The following PRKCG variants were observed in gnomAD, a reference collection of about 807,000 sequenced individuals.
PRKCG encodes protein kinase C gamma type.
In PRKCG, 28 loss-of-function variants were observed where a neutral mutation model predicts 82.0. The observed-to-expected ratio is 0.34, with a 90% CI of 0.25 to 0.47. PRKCG has a LOEUF of 0.47. Ranked by LOEUF, PRKCG falls within the 20% of genes least tolerant of loss-of-function variation. PRKCG has a pLI of 1.00. For synonymous variants in PRKCG, 383 were observed against 376.6 expected, an observed-to-expected ratio of 1.02 and a Z score of -0.20; for missense variants, 640 against 952.7, an observed-to-expected ratio of 0.67 and a Z score of 4.32.
chr19:53,900,831 A>G lies in PRKCG; in HGVS notation c.1575+82A>G. 1.2e-6 allele frequency: 2 copies of G among 1,601,774 alleles called. No individual in the cohort carries two copies. Among genetic ancestry groups the G allele is most frequent in the Non-Finnish European group, 1.7e-6 (2 of 1,173,412 alleles). ...GATGGTCCAGTATTCACCACGGGTGAGGCCTGACCCTCAGACCTTGTCATG... is the reference window on the plus strand; with the variant it reads ...GATGGTCCAGTATTCACCACGGGTGGGGCCTGACCCTCAGACCTTGTCATG... On this transcript the variant is annotated intron_variant, in intron 14 of 17. Coordinates refer to ENST00000263431, the MANE Select transcript of PRKCG (RefSeq NM_002739.5). This position sits in a 1 kb window ranked among gnomAD's most constrained non-coding sequence, Gnocchi z 4.2.
rs1568763942 is a variant in PRKCG, at chr19:53,906,076, C to CT, written c.1765-240dup. 8.1e-4 allele frequency among the ~76,000 whole-genome samples: 68 copies of CT among 83,658 alleles called. 1 individual carries two copies. The highest frequency in any genetic ancestry group is 6.6e-3 in the Middle Eastern group (1 of 152). 54.9% of individuals were successfully genotyped at this position (83,658 alleles called of 152,430 possible). On this transcript the variant is annotated intron_variant, in intron 16 of 17. Coordinates refer to ENST00000263431, the MANE Select transcript of PRKCG (RefSeq NM_002739.5). ...CCTCCTCCTCCTCCTCCTCCTCCTC[C>CT]TCCTCCTCCTTCTTCTTCTTCTTCT...
intron 9 of PRKCG, among the ~76,000 whole-genome samples, chr19:53,895,344 C>T (rs2123003037): frequency 6.6e-6 from 1 of 151,956 alleles, no homozygotes; most frequent in Non-Finnish European, 1.5e-5. Flanking sequence ...CAAAAATCAG[C>T]TGGGCATGGT....
chr19:53,893,131 G>A, intron 8 of PRKCG, 56 bp downstream of exon 8: 1 of 1,540,654 alleles, frequency 6.5e-7, no homozygotes, highest in African/African-American at 1.4e-5. Flanking sequence ...ACGGTTCAGA[G>A]CTGGCCTTTC....
intron 16 of PRKCG, among the ~76,000 whole-genome samples, chr19:53,905,538 TCTC>T (rs2068795945): frequency 6.6e-6 from 1 of 151,560 alleles, no homozygotes; most frequent in African/African-American, 2.4e-5. Context: ...TCCCCCTGGG[TCTC>T]CTCTGTCTCC....
At chr19:53,901,925 A>G (rs925766720) in intron 14 of PRKCG, among the ~76,000 whole-genome samples, 1 of 151,872 alleles carries the variant, frequency 6.6e-6, no homozygotes, top group African/African-American at 2.4e-5. Context: ...ATGCTGTCCT[A>G]TGAGTATTTT....
intron 11 of PRKCG, among the ~76,000 whole-genome samples, chr19:53,898,930 C>CCTGTTTCCCTGGGG (rs2068741044): frequency 1.0e-5 from 1 of 95,924 alleles, no homozygotes; most frequent in African/African-American, 4.5e-5. Flanking sequence ...CGTGGCCAGG[C>CCTGTTTCCCTGGGG]AGAGGGGCTC....
Position 53,900,086 on chromosome 19 carries a change from G to A in PRKCG, c.1282-147G>A. 1.3e-6 allele frequency: 1 copy of A among 766,706 alleles called. No individual in the cohort carries two copies. Among genetic ancestry groups the A allele is most frequent in the Non-Finnish European group, 2.3e-6 (1 of 438,810 alleles). The allele number at this position is 766,706 out of a possible 1,614,324, so 47.5% of individuals were successfully genotyped here. ...CTGAGGTAGCAGGATTAGCACCTTA[G>A]GGCCCTCCCAGGGATGTGGCTAGGT... On this transcript the variant is annotated intron_variant, in intron 11 of 17. Coordinates refer to ENST00000263431, the MANE Select transcript of PRKCG (RefSeq NM_002739.5). The surrounding 1 kb of genome is among the most constrained non-coding windows in gnomAD (Gnocchi z 4.2).
intron 5 of PRKCG, 124 bp downstream of exon 5, chr19:53,890,141 G>T: frequency 9.0e-7 from 1 of 1,106,144 alleles, no homozygotes; most frequent in Non-Finnish European, 1.3e-6. Context: ...CTATGGTCAC[G>T]CCCACACTCC....
intron 3 of PRKCG, among the ~76,000 whole-genome samples, chr19:53,885,257 C>T (rs893021419): frequency 1.3e-5 from 2 of 151,962 alleles, no homozygotes; most frequent in Non-Finnish European, 2.9e-5. Flanking sequence ...GAGACGGAGT[C>T]GCGCTCTGTT....
Position 53,907,153 on chromosome 19 carries a change from C to A in PRKCG, c.*258C>A. Reference sequence around the variant, plus strand: ...CCTGACCTTAGCGTTCTGGACTCTGCCCCAATCGGGTCCAGAGACCACACC... The same window carrying A: ...CCTGACCTTAGCGTTCTGGACTCTGACCCAATCGGGTCCAGAGACCACACC... On this transcript the variant is annotated 3_prime_UTR_variant, in exon 18 of 18. Coordinates refer to ENST00000263431, the MANE Select transcript of PRKCG (RefSeq NM_002739.5). 1.3e-6 allele frequency: 1 copy of A among 760,074 alleles called. No homozygotes were observed. Among genetic ancestry groups the A allele is most frequent in the South Asian group, 1.8e-5 (1 of 54,298 alleles). The allele number at this position is 760,074 out of a possible 1,614,324, so 47.1% of individuals were successfully genotyped here. A position where few individuals can be genotyped will look rare whatever the true frequency, so the allele number is the denominator to read the frequency against.
chr19:53,903,018 G>A, intron 14 of PRKCG, 55 bp from the exon 15 acceptor site: 2 of 1,367,902 alleles, frequency 1.5e-6, no homozygotes, highest in Admixed American at 1.7e-5. Context: ...AGGCCAGAGG[G>A]GTCCTAGGCT....
chr19:53,896,594 A>G (rs1242346609), intron 9 of PRKCG, among the ~76,000 whole-genome samples: 1 of 151,876 alleles, frequency 6.6e-6, no homozygotes, highest in East Asian at 1.9e-4. Context: ...TAATTTTTAT[A>G]TTGCTAGTAG....
At chr19:53,906,047 T>TCCTCCTCCTCCTCCTCCC (rs2068803521) in intron 16 of PRKCG, among the ~76,000 whole-genome samples, 1 of 42,626 alleles carries the variant, frequency 2.3e-5, no homozygotes, top group African/African-American at 2.1e-4. Context: ...TCCTCCCTCC[T>TCCTCCTCCTCCTCCTCCC]CCTCCTCCTC....
At chr19:53,893,185 A>G in intron 8 of PRKCG, 110 bp downstream of exon 8, 1 of 1,265,266 alleles carries the variant, frequency 7.9e-7, no homozygotes, top group Admixed American at 1.9e-5. Context: ...TACAGTTCCC[A>G]GAAGACCCTA....
rs2068598531 is a variant in PRKCG, at chr19:53,882,357, G to A, written c.-138G>A. Reference sequence around the variant, plus strand: ...CCCTGCCTGGCGCGCTCCGCACCTGGAGGTGCCTTGCCCCTCTCCTGCCCA... The same window carrying A: ...CCCTGCCTGGCGCGCTCCGCACCTGAAGGTGCCTTGCCCCTCTCCTGCCCA... On this transcript the variant is annotated 5_prime_UTR_variant, in exon 1 of 18. Transcript: ENST00000263431. The surrounding 1 kb of genome is among the most constrained non-coding windows in gnomAD (Gnocchi z 6.1). The A allele has an allele frequency of 7.7e-7, 1 of 1,296,866 alleles. No individual in the cohort carries two copies. Among genetic ancestry groups the A allele is most frequent in the Non-Finnish European group, 1.1e-6 (1 of 935,894 alleles). 80.3% of individuals were successfully genotyped at this position (1,296,866 alleles called of 1,614,324 possible).
rs2068822608 is a variant in PRKCG, at chr19:53,907,361, GC to G, written c.*472del. 2 of 211,102 alleles carry G rather than the reference GC, an allele frequency of 9.5e-6. No homozygotes were observed. Among genetic ancestry groups the G allele is most frequent in the South Asian group, 1.4e-4 (2 of 14,154 alleles). The allele number at this position is 211,102 out of a possible 1,614,324, so 13.1% of individuals were successfully genotyped here. ...CTAGTTCTAGATGAGTGGGAGGCGT[GC>G]CCCCCTCCTCCAGTACGTCCCGCTG... On this transcript the variant is annotated 3_prime_UTR_variant, in exon 18 of 18. Transcript: ENST00000263431.
At chr19:53,881,366 T>C (rs966235937), upstream of PRKCG, among the ~76,000 whole-genome samples, 1 of 150,358 alleles carries the variant, frequency 6.7e-6, no homozygotes, top group Non-Finnish European at 1.5e-5. Context: ...AGAGACGGAC[T>C]CCCAAAGAGA....
intron 16 of PRKCG, among the ~76,000 whole-genome samples, chr19:53,905,235 C>T (rs1023502334): frequency 5.3e-5 from 8 of 152,244 alleles, no homozygotes; most frequent in Non-Finnish European, 8.8e-5. Flanking sequence ...TGGTTTCTGT[C>T]TCATGCCTCC....
intron 9 of PRKCG, among the ~76,000 whole-genome samples, chr19:53,897,629 T>A (rs887459790): frequency 6.6e-6 from 1 of 152,112 alleles, no homozygotes; most frequent in Non-Finnish European, 1.5e-5. Flanking sequence ...GCTGTGTGAC[T>A]TGGGGCAAGT....
Sources: gnomAD v4.1 joint callset for allele counts (sites outside exome capture counted in the v4.1 genomes callset) on GRCh38, gnomAD v4.1.1 for gene constraint, Gnocchi (gnomAD v3.1) non-coding constraint, MANE v1.5 for transcripts, NCBI Gene and HGNC (gene_info 2026-07-23, HGNC 2026-07-21) for gene names.